RHPN1: variants seen among roughly 807,000 people sequenced by gnomAD.
RHPN1 encodes the protein rhophilin-1.
RHPN1 carries 77 observed loss-of-function variants against 74.7 expected under a neutral mutation model. The observed-to-expected ratio is 1.03, with a 90% confidence interval of 0.86 to 1.25. RHPN1 has a LOEUF of 1.25. Among genes scored for constraint, RHPN1 ranks in the 50% most tolerant of loss-of-function variants. RHPN1 has a pLI of 0.00. For synonymous variants in RHPN1, 444 were observed against 414.5 expected (o/e 1.07, Z -0.87); for missense variants, 987 against 932.2 (o/e 1.06, Z -0.77).
Position 143,379,744 on chromosome 8 carries a change from C to G in RHPN1, c.946-85C>G. The G allele has an allele frequency of 6.7e-6, 10 of 1,492,646 alleles. 1 individual carries two copies. The South Asian group carries it at 1.3e-4, about 20-fold the overall frequency. The allele number at this position is 1,492,646 out of a possible 1,614,324, so 92.5% of individuals were successfully genotyped here. ...CCAGGGAGGCTGCTGGGATGGTGGTCGGAGCAGGTGGAGGCTGGGTAGGGA... is the reference window on the plus strand; with the variant it reads ...CCAGGGAGGCTGCTGGGATGGTGGTGGGAGCAGGTGGAGGCTGGGTAGGGA... On this transcript the variant is annotated intron_variant, in intron 8 of 14. Transcript: ENST00000289013.
rs1392509258 is a variant in RHPN1, at chr8:143,378,451, CGAG to C, written c.459+108_459+110del. On this transcript the variant is annotated intron_variant, in intron 5 of 14. Coordinates refer to ENST00000289013, the MANE Select transcript of RHPN1 (RefSeq NM_052924.3). The stretch of plus-strand genomic sequence containing the variant: ...ACAGAGGAGCTCAGCGTAGACATCT[CGAG>C]GACGTGGGGAGACGGGCGCACCAGG... 173 of 1,079,038 alleles carry C rather than the reference CGAG, an allele frequency of 1.6e-4. 1 individual carries two copies. In the Middle Eastern group the frequency reaches 2.7e-3, roughly 17 times the overall value. The allele number at this position is 1,079,038 out of a possible 1,614,324, so 66.8% of individuals were successfully genotyped here.
intron 1 of RHPN1, among the ~76,000 whole-genome samples, chr8:143,374,824 A>T (rs1460961073): frequency 6.6e-6 from 1 of 152,226 alleles, no homozygotes; most frequent in African/African-American, 2.4e-5. Flanking sequence ...CACTGACGAC[A>T]CAGGAGCCAT....
At position 143,383,627 on chromosome 8, in the gene RHPN1, G is replaced by C. The variant is rs963161370; in HGVS notation, c.*976G>C. ...GGGCACCAAGAGGAGAGGGTGGGAA[G>C]GGCTGCAGAGTCAGGGCTGCACCCA... is the stretch of plus-strand genomic sequence containing the variant. On this transcript the variant is annotated 3_prime_UTR_variant, in exon 15 of 15. Coordinates refer to ENST00000289013, the MANE Select transcript of RHPN1 (RefSeq NM_052924.3). 5 of 152,708 alleles carry C rather than the reference G, an allele frequency of 3.3e-5. No individual in the cohort carries two copies. The highest frequency in any genetic ancestry group is 3.3e-4 in the Admixed American group (5 of 15,314). 9.5% of individuals were successfully genotyped at this position (152,708 alleles called of 1,614,324 possible).
chr8:143,378,775 C>T lies in RHPN1; in HGVS notation c.539C>T (p.Ala180Val), dbSNP rs375123334. 1.1e-5 allele frequency: 18 copies of T among 1,571,594 alleles called. No homozygotes were observed. Among genetic ancestry groups the T allele is most frequent in the Admixed American group, 3.7e-5 (2 of 53,676 alleles). The stretch of plus-strand genomic sequence containing the variant: ...TACAACCAGCTGTGCTTCCTGGATG[C>T]GCGCTTCCTCACCCCTGCCAGGAGC... ...AYYNQLCFLD[A>V]RFLTPARSLG... is the part of the protein sequence containing the mutation. Residue 180 changes from alanine to valine, a missense_variant, in exon 6 of 15, where the codon GCG becomes GTG. Ala to Val is a moderately conservative substitution (Grantham distance 64). Coordinates refer to ENST00000289013, the MANE Select transcript of RHPN1 (RefSeq NM_052924.3).
Position 143,382,944 on chromosome 8 carries a change from C to A in RHPN1, c.*293C>A. On this transcript the variant is annotated 3_prime_UTR_variant, in exon 15 of 15. Coordinates refer to ENST00000289013, the MANE Select transcript of RHPN1 (RefSeq NM_052924.3). ...TTACAGGGTGCTCCTCACAGCCATCCCATCTGTACCCCCGGGCTCTGTCCA... is the reference window on the plus strand; with the variant it reads ...TTACAGGGTGCTCCTCACAGCCATCACATCTGTACCCCCGGGCTCTGTCCA... 1 of 453,980 alleles carries A rather than the reference C, an allele frequency of 2.2e-6. No homozygotes were observed. Among genetic ancestry groups the A allele is most frequent in the Admixed American group, 3.7e-5 (1 of 26,864 alleles). 28.1% of individuals were successfully genotyped at this position (453,980 alleles called of 1,614,324 possible).
intron 1 of RHPN1, among the ~76,000 whole-genome samples, chr8:143,372,257 C>T (rs999219837): frequency 7.0e-6 from 1 of 143,300 alleles, no homozygotes; most frequent in Non-Finnish European, 1.5e-5. Flanking sequence ...CTCCTAGGTA[C>T]TGGGCAGAGG....
At chr8:143,376,083 C>A (rs1586815645) in intron 2 of RHPN1, among the ~76,000 whole-genome samples, 1 of 152,206 alleles carries the variant, frequency 6.6e-6, no homozygotes, top group African/African-American at 2.4e-5. Flanking sequence ...CGTGTGAGTG[C>A]CCCTCGGTCC....
chr8:143,376,685 G>C, intron 3 of RHPN1, 32 bp downstream of exon 3: 1 of 1,546,644 alleles, frequency 6.5e-7, no homozygotes, highest in Non-Finnish European at 8.7e-7. Context: ...GCACGTGCGT[G>C]TATGTGTGTG....
Position 143,382,754 on chromosome 8 carries a change from C to G in RHPN1, c.*103C>G. 1 of 1,021,606 alleles carries G rather than the reference C, an allele frequency of 9.8e-7. No homozygotes were observed. Among genetic ancestry groups the G allele is most frequent in the Non-Finnish European group, 1.4e-6 (1 of 706,152 alleles). The allele number at this position is 1,021,606 out of a possible 1,614,324, so 63.3% of individuals were successfully genotyped here. A position where few individuals can be genotyped will look rare whatever the true frequency, so the allele number is the denominator to read the frequency against. ...CCTCCGGGCAATGCCTGTCCCGCCT[C>G]ATGCTGGAGGCTGCCTCGGGCACCT... On this transcript the variant is annotated 3_prime_UTR_variant, in exon 15 of 15. Coordinates refer to ENST00000289013, the MANE Select transcript of RHPN1 (RefSeq NM_052924.3).
At chr8:143,376,701 G>A (rs1201313014) in intron 3 of RHPN1, 48 bp downstream of exon 3, 1 of 1,529,082 alleles carries the variant, frequency 6.5e-7, no homozygotes, top group South Asian at 1.2e-5. Context: ...GTGTGCACGT[G>A]TGCGTGTGTG....
chr8:143,380,563 G>A, intron 10 of RHPN1, 26 bp from the exon 11 acceptor site: 2 of 1,468,376 alleles, frequency 1.4e-6, no homozygotes, highest in African/African-American at 2.8e-5. Flanking sequence ...CACATGGTGT[G>A]TGACATCCCA....
At chr8:143,364,752 G>T (rs554763109), upstream of RHPN1, among the ~76,000 whole-genome samples, 1 of 152,300 alleles carries the variant, frequency 6.6e-6, no homozygotes, top group East Asian at 1.9e-4. The surrounding 1 kb of genome is among the most constrained non-coding windows in gnomAD (Gnocchi z 4.5). Flanking sequence ...GGTGGTTTCT[G>T]AATGATGAAT....
Position 143,376,502 on chromosome 8 carries a change from T to C in RHPN1, c.177-23T>C, listed in dbSNP as rs181038912. On this transcript the variant is annotated intron_variant, in intron 2 of 14. Transcript: ENST00000289013. The stretch of plus-strand genomic sequence containing the variant: ...TTGGCTCTGCCTTGGGGCTGGGCTT[T>C]CAACTGCCGCGGCCTCCCTCAGAGC... 5.3e-5 allele frequency: 86 copies of C among 1,610,694 alleles called. 1 individual carries two copies. In the African/African-American group the frequency reaches 9.2e-4, roughly 17 times the overall value.
rs559535386 is a variant in RHPN1 at position 143,380,104 on chromosome 8, T to C, written c.1145T>C (p.Leu382Pro). Residue 382 changes from leucine (L) to proline (P), a missense_variant, in exon 10 of 15, where the codon CTG becomes CCG. Physicochemically the swap from Leu to Pro is moderately conservative, Grantham distance 98. Coordinates refer to ENST00000289013, the MANE Select transcript of RHPN1 (RefSeq NM_052924.3). ...GELPTHEQVF[L>P]QPPTSSKPRG... ...CTCCCCACGCACGAGCAGGTCTTCC[T>C]GCAGCCCCCCACCTCCTCTAAGCCC... 12 of 1,552,922 alleles carry C rather than the reference T, an allele frequency of 7.7e-6. No individual in the cohort carries two copies. The highest frequency in any genetic ancestry group is 1.0e-5 in the Non-Finnish European group (12 of 1,149,430).
chr8:143,378,883 A>G, intron 6 of RHPN1, 29 bp from the exon 7 acceptor site: 1 of 1,578,668 alleles, frequency 6.3e-7, no homozygotes, highest in Non-Finnish European at 8.6e-7. Flanking sequence ...AACCGTGGGA[A>G]CTCCACCCAG....
chr8:143,372,829 G>C (rs898020933), intron 1 of RHPN1, among the ~76,000 whole-genome samples: 2 of 132,684 alleles, frequency 1.5e-5, no homozygotes, highest in Non-Finnish European at 3.2e-5. Flanking sequence ...GCAGGGGTTT[G>C]GGGGATGGCA....
intron 3 of RHPN1, 120 bp downstream of exon 3, chr8:143,376,773 TGC>T: frequency 9.0e-6 from 11 of 1,223,216 alleles, no homozygotes; most frequent in East Asian, 7.8e-5. Context: ...TCTGTGTGTG[TGC>T]GTGTGTGCAT....
At chr8:143,372,544 G>A (rs890685052) in intron 1 of RHPN1, among the ~76,000 whole-genome samples, 4 of 152,076 alleles carry the variant, frequency 2.6e-5, no homozygotes, top group African/African-American at 7.2e-5. Context: ...GGGAGGCCAG[G>A]GTCCTGGGCC....
At position 143,376,648 on chromosome 8, in the gene RHPN1, T is replaced by C. The variant is rs1216443701; in HGVS notation, c.300T>C (p.His100=). Residue 100 remains histidine (H), a synonymous_variant, in exon 3 of 15, where the codon CAT becomes CAC. Transcript: ENST00000289013. ...ELSGGVDPGR[H]GSEAVTVPMI... ...GCGGTGGCGTGGACCCTGGCCGGCA[T>C]GGGAGGTGCGGGTGGGGGCCGGGAC... is the stretch of plus-strand genomic sequence containing the variant. 1.9e-6 allele frequency: 3 copies of C among 1,567,050 alleles called. No homozygotes were observed. The highest frequency in any genetic ancestry group is 2.6e-6 in the Non-Finnish European group (3 of 1,156,338).
Sources: allele counts gnomAD v4.1 joint callset (sites outside exome capture counted in the v4.1 genomes callset), GRCh38; gene constraint gnomAD v4.1.1; non-coding constraint Gnocchi (gnomAD v3.1); transcripts MANE v1.5; gene names NCBI Gene and HGNC (gene_info 2026-07-23, HGNC 2026-07-21).